The following VIPR1 variants were observed in gnomAD, a reference collection of about 807,000 sequenced individuals.
VIPR1 encodes vasoactive intestinal peptide receptor 1, also known as vasoactive intestinal polypeptide receptor 1.
VIPR1 carries 59 observed loss-of-function variants against 58.8 expected under a neutral mutation model. The ratio of observed to expected loss-of-function variants is 1.00; its 90% CI spans 0.81 to 1.25. VIPR1 has a LOEUF of 1.25. Among genes scored for constraint, VIPR1 ranks in the 50% most tolerant of loss-of-function variants. VIPR1 has a pLI of 0.00. For synonymous variants in VIPR1, 251 were observed against 242.1 expected (o/e 1.04, Z -0.34); for missense variants, 626 against 602.7 (o/e 1.04, Z -0.40).
At chr3:42,499,289 G>C (rs1699822820), upstream of VIPR1, among the ~76,000 whole-genome samples, 1 of 152,190 alleles carries the variant, frequency 6.6e-6, no homozygotes, top group Admixed American at 6.5e-5. Flanking sequence ...CCCTGAGCTG[G>C]AAGCCTTGAA....
At chr3:42,498,865 A>G (rs1404158256), upstream of VIPR1, among the ~76,000 whole-genome samples, 4 of 152,152 alleles carry the variant, frequency 2.6e-5, no homozygotes, top group East Asian at 7.7e-4. Context: ...CTGTTATGGA[A>G]GGGAGGAAGG....
chr3:42,511,343 A>T (rs866324665), intron 1 of VIPR1, among the ~76,000 whole-genome samples: 8 of 152,308 alleles, frequency 5.3e-5, no homozygotes, highest in Middle Eastern at 6.8e-3. Context: ...CACTTAATCC[A>T]AAGTCCCAGG....
At chr3:42,493,759 G>A (rs1699708274) in intron 1 of VIPR1, among the ~76,000 whole-genome samples, 1 of 152,224 alleles carries the variant, frequency 6.6e-6, no homozygotes, top group South Asian at 2.1e-4. Context: ...ATCAGGATAT[G>A]GCTGTACCTG....
At chr3:42,530,526 T>C in intron 6 of VIPR1, 2 of 464,340 alleles carry the variant, frequency 4.3e-6, no homozygotes, top group East Asian at 3.6e-5. Context: ...TGGGTAGATA[T>C]ATAGATGGGA....
intron 3 of VIPR1, among the ~76,000 whole-genome samples, chr3:42,524,666 A>G (rs1332636127): frequency 1.3e-5 from 2 of 152,162 alleles, no homozygotes; most frequent in East Asian, 3.9e-4. Flanking sequence ...GTTTGGAAAT[A>G]AACACACGTG....
intron 3 of VIPR1, among the ~76,000 whole-genome samples, chr3:42,522,079 G>T (rs704969): frequency 2.5e-5 from 2 of 78,988 alleles, no homozygotes; most frequent in African/African-American, 4.9e-5. Context: ...TTCTACCTTC[G>T]AATATATATA....
chr3:42,490,450 G>T (rs951296190), intron 1 of VIPR1, among the ~76,000 whole-genome samples: 1 of 152,214 alleles, frequency 6.6e-6, no homozygotes. Flanking sequence ...AAGAGGAGGC[G>T]AGAGAGGCGT....
intron 1 of VIPR1, among the ~76,000 whole-genome samples, chr3:42,497,617 T>C (rs1201094754): frequency 6.6e-6 from 1 of 152,216 alleles, no homozygotes; most frequent in Non-Finnish European, 1.5e-5. Flanking sequence ...AAATGTCATC[T>C]TGAATTGTAG....
chr3:42,491,386 A>G (rs1046280564), intron 1 of VIPR1, among the ~76,000 whole-genome samples: 1 of 152,214 alleles, frequency 6.6e-6, no homozygotes, highest in African/African-American at 2.4e-5. Flanking sequence ...TAGAGTCCTT[A>G]TCCTTTAGAT....
At chr3:42,534,793 G>A (rs1701753984) in intron 10 of VIPR1, 182 bp from the exon 11 acceptor site, 3 of 698,042 alleles carry the variant, frequency 4.3e-6, no homozygotes, top group Admixed American at 6.8e-5. Context: ...AAGGGCAGAG[G>A]CACTGCAGCT....
intron 2 of VIPR1, among the ~76,000 whole-genome samples, chr3:42,518,791 C>T (rs560624571): frequency 6.6e-6 from 1 of 152,310 alleles, no homozygotes; most frequent in East Asian, 1.9e-4. Context: ...AGTCTAGGCT[C>T]TGGTCATTAT....
chr3:42,519,461 G>A, intron 3 of VIPR1, 131 bp downstream of exon 3: 2 of 634,828 alleles, frequency 3.2e-6, no homozygotes, highest in South Asian at 2.5e-5. Flanking sequence ...CCCTGGCAGA[G>A]GAGGCAATGG....
In VIPR1 at chr3:42,536,439, G is replaced by A. The variant is rs1472822534; in HGVS notation, c.*158G>A. 5.4e-6 allele frequency: 4 copies of A among 735,838 alleles called. No individual in the cohort carries two copies. In the East Asian group the frequency reaches 9.2e-5, roughly 17 times the overall value. 45.6% of individuals were successfully genotyped at this position (735,838 alleles called of 1,614,324 possible). A position where few individuals can be genotyped will look rare whatever the true frequency, so the allele number is the denominator to read the frequency against. ...GGTCTCTGGTCCGGACACTCCTAGA[G>A]AACGCAGCCCTAGAGCCTGCCTGGA... On this transcript the variant is annotated 3_prime_UTR_variant, in exon 13 of 13. Transcript: ENST00000325123.
chr3:42,522,611 G>A (rs1228364954), intron 3 of VIPR1, among the ~76,000 whole-genome samples: 1 of 152,074 alleles, frequency 6.6e-6, no homozygotes, highest in Admixed American at 6.6e-5. Context: ...GGCTGGGATG[G>A]GACACCACGG....
At chr3:42,512,938 G>C in intron 1 of VIPR1, 1 of 985,376 alleles carries the variant, frequency 1.0e-6, no homozygotes, top group Non-Finnish European at 1.2e-6. Context: ...CCACTCACAT[G>C]TCTTCCACAA....
chr3:42,536,106 G>C lies in VIPR1; in HGVS notation c.1199G>C (p.Arg400Thr). 1 of 1,599,294 alleles carries C rather than the reference G, an allele frequency of 6.3e-7. No homozygotes were observed. The highest frequency in any genetic ancestry group is 8.5e-7 in the Non-Finnish European group (1 of 1,173,534). Reference sequence around the variant, plus strand: ...CTCTCCTAGGTGCAGGCGGAGCTGAGGCGGAAGTGGCGGCGCTGGCACCTG... The same window carrying C: ...CTCTCCTAGGTGCAGGCGGAGCTGACGCGGAAGTGGCGGCGCTGGCACCTG... ...FLNGEVQAEL[R>T]RKWRRWHLQG... Residue 400 changes from arginine to threonine, a missense_variant, in exon 13 of 13, where the codon AGG (arginine) becomes ACG (threonine). By Grantham distance (71) the Arg-to-Thr change is moderately conservative (BLOSUM62 -1). Coordinates refer to ENST00000325123, the MANE Select transcript of VIPR1 (RefSeq NM_004624.4).
intron 1 of VIPR1, among the ~76,000 whole-genome samples, chr3:42,493,210 T>C (rs1183511890): frequency 6.6e-6 from 1 of 152,170 alleles, no homozygotes; most frequent in African/African-American, 2.4e-5. Context: ...GACCCGAGGC[T>C]ATCTGCTGCA....
At chr3:42,510,359 G>T (rs1447632896) in intron 1 of VIPR1, among the ~76,000 whole-genome samples, 1 of 152,156 alleles carries the variant, frequency 6.6e-6, no homozygotes, top group African/African-American at 2.4e-5. Flanking sequence ...CCTGACATCA[G>T]TAGACTTGGC....
chr3:42,491,307 C>T (rs1379764229), intron 1 of VIPR1, among the ~76,000 whole-genome samples: 1 of 152,134 alleles, frequency 6.6e-6, no homozygotes, highest in Non-Finnish European at 1.5e-5. Context: ...ATATTGAATG[C>T]TATTAAGGAA....
Sources: gnomAD v4.1 joint callset for allele counts (sites outside exome capture counted in the v4.1 genomes callset) on GRCh38, gnomAD v4.1.1 for gene constraint, MANE v1.5 for transcripts, NCBI Gene and HGNC (gene_info 2026-07-23, HGNC 2026-07-21) for gene names.